Variants in SLC35F4 observed in about 807,000 individuals in gnomAD.
SLC35F4 encodes the protein chromosome 14 open reading frame 36.
SLC35F4 carries 24 observed loss-of-function variants against 44.2 expected under a neutral mutation model. The observed-to-expected ratio is 0.54, with a 90% CI of 0.39 to 0.76. SLC35F4 has a LOEUF of 0.76. SLC35F4 is among the 30% of genes least tolerant of loss of function. The pLI is 0.00. For missense variants in SLC35F4, 562 were observed against 586.1 expected (o/e 0.96, Z 0.42); for synonymous variants, 238 against 223.6 (o/e 1.06, Z -0.57).
At chr14:57,779,029 T>C (rs1396861429) in intron 1 of SLC35F4, among the ~76,000 whole-genome samples, 2 of 151,964 alleles carry the variant, frequency 1.3e-5, no homozygotes, top group Non-Finnish European at 2.9e-5. Context: ...TAAAAAGATA[T>C]CAAGTTAACA....
At chr14:57,650,873 G>A (rs987266329) in intron 1 of SLC35F4, among the ~76,000 whole-genome samples, 2 of 152,100 alleles carry the variant, frequency 1.3e-5, no homozygotes, top group African/African-American at 4.8e-5. Flanking sequence ...AGAATGTGCT[G>A]TTCCCTGTGC....
chr14:57,738,745 T>G (rs1471832850), intron 1 of SLC35F4, among the ~76,000 whole-genome samples: 5 of 73,000 alleles, frequency 6.8e-5, no homozygotes, highest in African/African-American at 2.5e-4. Flanking sequence ...ATATTTGAAT[T>G]TTCATATATA....
intron 1 of SLC35F4, among the ~76,000 whole-genome samples, chr14:57,939,045 G>A (rs978545873): frequency 6.6e-6 from 1 of 152,036 alleles, no homozygotes; most frequent in Non-Finnish European, 1.5e-5. Context: ...GATATCAGAG[G>A]TAGCTGAGCA....
chr14:57,785,660 C>T (rs1336721413), intron 1 of SLC35F4, among the ~76,000 whole-genome samples: 1 of 152,092 alleles, frequency 6.6e-6, no homozygotes, highest in Non-Finnish European at 1.5e-5. Context: ...TACTGGAGAA[C>T]CTGAAGGTCT....
At chr14:57,927,228 G>T (rs1482328090) in intron 1 of SLC35F4, among the ~76,000 whole-genome samples, 1 of 152,170 alleles carries the variant, frequency 6.6e-6, no homozygotes, top group African/African-American at 2.4e-5. Context: ...AGCTATTAAA[G>T]CTTGATCATA....
chr14:57,564,346 A>G lies in SLC35F4; in HGVS notation c.1247T>C (p.Phe416Ser), dbSNP rs1423050861. ...GGTAGCAGCCAGGCGGACAACATTG[A>G]ATATCACCTCCTGCTTTAGGAGATC... ...AVDLLKQEVI[F>S]NVVRLAATII... is the part of the protein sequence containing the mutation. Residue 416 changes from phenylalanine (F) to serine (S), a missense_variant, in exon 8 of 8, where the codon TTC (phenylalanine) becomes TCC (serine). Physicochemically the swap from Phe to Ser is radical, Grantham distance 155. Transcript: ENST00000556826. 1.2e-6 allele frequency: 2 copies of G among 1,609,728 alleles called. No individual in the cohort carries two copies. The highest frequency in any genetic ancestry group is 1.7e-6 in the Non-Finnish European group (2 of 1,177,996).
At chr14:57,920,556 G>A (rs1260358195) in intron 1 of SLC35F4, among the ~76,000 whole-genome samples, 1 of 152,216 alleles carries the variant, frequency 6.6e-6, no homozygotes, top group Non-Finnish European at 1.5e-5. Flanking sequence ...CTGGGCAACA[G>A]AGTGAGAGCC....
intron 1 of SLC35F4, among the ~76,000 whole-genome samples, chr14:57,711,284 G>A (rs545351699): frequency 2.0e-5 from 3 of 152,224 alleles, no homozygotes; most frequent in African/African-American, 4.8e-5. Flanking sequence ...CGCCATGATT[G>A]TAAGTTCCCT....
chr14:57,735,692 C>G (rs2076445608), intron 1 of SLC35F4, among the ~76,000 whole-genome samples: 1 of 151,332 alleles, frequency 6.6e-6, no homozygotes, highest in South Asian at 2.1e-4. Flanking sequence ...TTGCTTAAAA[C>G]AAGTCAAAAC....
chr14:57,714,976 T>C (rs1166494487), intron 1 of SLC35F4, among the ~76,000 whole-genome samples: 3 of 152,198 alleles, frequency 2.0e-5, no homozygotes, highest in African/African-American at 7.2e-5. Flanking sequence ...AGGAGGATTC[T>C]TGCTCATTTG....
intron 1 of SLC35F4, among the ~76,000 whole-genome samples, chr14:57,653,533 T>C (rs1003439433): frequency 6.6e-6 from 1 of 152,192 alleles, no homozygotes; most frequent in Non-Finnish European, 1.5e-5. Flanking sequence ...GTGTCCAACC[T>C]TGTAGGAAGA....
At chr14:57,638,590 C>A (rs1398180974) in intron 1 of SLC35F4, among the ~76,000 whole-genome samples, 1 of 152,070 alleles carries the variant, frequency 6.6e-6, no homozygotes, top group Non-Finnish European at 1.5e-5. Context: ...CAGGGTGAAC[C>A]CTTTAAAGAA....
At chr14:57,597,872 G>A (rs1224312667) in intron 1 of SLC35F4, among the ~76,000 whole-genome samples, 1 of 152,108 alleles carries the variant, frequency 6.6e-6, no homozygotes, top group Non-Finnish European at 1.5e-5. Flanking sequence ...ACTTGAAAAG[G>A]AGCTGTCTAA....
At chr14:57,793,683 CA>C (rs2077983526) in intron 1 of SLC35F4, among the ~76,000 whole-genome samples, 2 of 152,048 alleles carry the variant, frequency 1.3e-5, no homozygotes, top group African/African-American at 4.8e-5. Context: ...CTGCAATAAA[CA>C]TATGTGTCCA....
chr14:57,757,534 TTTTAC>T (rs1469907373), intron 1 of SLC35F4, among the ~76,000 whole-genome samples: 1 of 148,978 alleles, frequency 6.7e-6, no homozygotes, highest in African/African-American at 2.4e-5. Context: ...TTCTTTGTTG[TTTTAC>T]TTATTTGTTT....
intron 1 of SLC35F4, among the ~76,000 whole-genome samples, chr14:57,854,324 A>G (rs956597517): frequency 6.6e-6 from 1 of 152,204 alleles, no homozygotes; most frequent in Non-Finnish European, 1.5e-5. Flanking sequence ...TAATTTTTAA[A>G]AAAAAATTAT....
intron 2 of SLC35F4, among the ~76,000 whole-genome samples, chr14:57,589,823 C>G (rs542564069): frequency 5.3e-5 from 8 of 152,294 alleles, no homozygotes; most frequent in Non-Finnish European, 2.9e-5. Context: ...CCCCCAAAGA[C>G]TGGTCTTGGC....
intron 1 of SLC35F4, among the ~76,000 whole-genome samples, chr14:57,601,385 C>T (rs1022014427): frequency 6.6e-6 from 1 of 151,768 alleles, no homozygotes; most frequent in African/African-American, 2.4e-5. Flanking sequence ...GGGTATACTG[C>T]TTGATTCTGG....
chr14:57,761,527 TTC>T (rs2089990348), intron 1 of SLC35F4, among the ~76,000 whole-genome samples: 1 of 152,192 alleles, frequency 6.6e-6, no homozygotes, highest in African/African-American at 2.4e-5. Context: ...TTACAATAAT[TTC>T]TGATATGCAC....
Sources: gnomAD v4.1 joint callset for allele counts (sites outside exome capture counted in the v4.1 genomes callset) on GRCh38, gnomAD v4.1.1 for gene constraint, MANE v1.5 for transcripts, NCBI Gene and HGNC (gene_info 2026-07-23, HGNC 2026-07-21) for gene names.